TUT4: variants seen among roughly 807,000 people sequenced by gnomAD.
TUT4 encodes the protein terminal uridylyl transferase 4.
TUT4 carries 36 observed loss-of-function variants against 192.2 expected under a neutral mutation model. The ratio of observed to expected loss-of-function variants is 0.19; its 90% CI spans 0.14 to 0.25. TUT4 has a LOEUF of 0.25. TUT4 is among the 10% of genes least tolerant of loss of function. The pLI, the probability that TUT4 is intolerant of heterozygous loss-of-function variation, is 1.00. For missense variants in TUT4, 1,493 were observed against 1,957.2 expected (o/e 0.76, Z 4.47); for synonymous variants, 618 against 666.0 (o/e 0.93, Z 1.11).
At chr1:52,496,783 G>A (rs1299778195) in intron 5 of TUT4, among the ~76,000 whole-genome samples, 2 of 151,712 alleles carry the variant, frequency 1.3e-5, no homozygotes, top group Non-Finnish European at 2.9e-5. Context: ...TCTACATCTG[G>A]CATTTTTAAA....
chr1:52,496,584 C>T (rs948434612), intron 5 of TUT4, among the ~76,000 whole-genome samples: 1 of 152,086 alleles, frequency 6.6e-6, no homozygotes, highest in African/African-American at 2.4e-5. Flanking sequence ...TCTGACACTC[C>T]CTTGTACCAA....
intron 4 of TUT4, among the ~76,000 whole-genome samples, chr1:52,508,111 C>A (rs1676117135): frequency 6.6e-6 from 1 of 152,116 alleles, no homozygotes; most frequent in South Asian, 2.1e-4. Flanking sequence ...CTGCACCCAG[C>A]CTAGGTATGA....
At chr1:52,544,318 T>C (rs1262073703) in intron 1 of TUT4, among the ~76,000 whole-genome samples, 1 of 149,014 alleles carries the variant, frequency 6.7e-6, no homozygotes, top group East Asian at 2.0e-4. Context: ...GTAATCAAAA[T>C]AGTATGGTAT....
At chr1:52,485,620 T>C (rs987734510) in intron 9 of TUT4, among the ~76,000 whole-genome samples, 6 of 152,142 alleles carry the variant, frequency 3.9e-5, no homozygotes, top group Non-Finnish European at 7.4e-5. Context: ...TAAACTTCCA[T>C]TTCTAGCTGA....
intron 13 of TUT4, among the ~76,000 whole-genome samples, chr1:52,474,299 A>G (rs982286390): frequency 6.6e-6 from 1 of 152,204 alleles, no homozygotes; most frequent in Non-Finnish European, 1.5e-5. Context: ...GATAAGCCGA[A>G]ATCCAGAGGC....
intron 8 of TUT4, among the ~76,000 whole-genome samples, 177 bp from the exon 9 acceptor site, chr1:52,489,212 T>C (rs142490759): frequency 3.9e-5 from 6 of 152,368 alleles, no homozygotes; most frequent in African/African-American, 1.4e-4. Context: ...TGTCATTCCA[T>C]AACTAGAGTT....
In TUT4 at chr1:52,446,388, G is replaced by A. The variant is rs1211616085; in HGVS notation, c.3568C>T (p.Leu1190=). The A allele has an allele frequency of 6.2e-7, 1 of 1,612,998 alleles. No homozygotes were observed. Among genetic ancestry groups the A allele is most frequent in the South Asian group, 1.1e-5 (1 of 90,856 alleles). The part of the protein sequence containing the change: ...KNTESLGELW[L]GLLRFYTEEF... ...TCAGTATAGAAACGAAGCAGTCCCA[G>A]CCAAAGCTCCCCTAATGATTCTGTG... The change falls in exon 22 of 30, where the codon CTG becomes TTG. Residue 1190 remains leucine, a synonymous_variant. Transcript: ENST00000257177.
intron 4 of TUT4, 25 bp downstream of exon 4, chr1:52,509,571 A>G (rs749515676): frequency 5.0e-6 from 6 of 1,200,336 alleles, no homozygotes; most frequent in South Asian, 2.8e-5. Flanking sequence ...AAAATAAATA[A>G]AAGTATTTTT....
At chr1:52,465,256 A>G (rs1342410002) in intron 15 of TUT4, 83 bp from the exon 16 acceptor site, 51 of 831,258 alleles carry the variant, frequency 6.1e-5, no homozygotes, top group South Asian at 5.3e-4. Flanking sequence ...ACCTAATACA[A>G]CATGCTCTTG....
At chr1:52,527,546 T>C (rs571713864) in intron 1 of TUT4, among the ~76,000 whole-genome samples, 2 of 151,938 alleles carry the variant, frequency 1.3e-5, no homozygotes, top group Non-Finnish European at 2.9e-5. Flanking sequence ...AGTAAGACTC[T>C]GTCTCAAAAA....
intron 3 of TUT4, among the ~76,000 whole-genome samples, chr1:52,510,317 C>CA (rs200690805): frequency 0.035 from 2,784 of 78,576 alleles, 126 homozygotes; most frequent in African/African-American, 0.084. Context: ...TTCGTATTAA[C>CA]AAAAAAAAAA....
Position 52,543,044 on chromosome 1 carries a change from C to T in TUT4, c.-94+9887G>A, listed in dbSNP as rs556440197. ...TGCTGGGATTACAGGCGTGAGCCAC[C>T]ATGCCCGGCCTGTGTTCACCATTTC... On this transcript the variant is annotated intron_variant, in intron 1 of 29. Transcript: ENST00000257177. Among the ~76,000 whole-genome samples the T allele has an allele frequency of 3.3e-5, 5 of 152,260 alleles. No individual in the cohort carries two copies. The South Asian group carries it at 1.0e-3, about 32-fold the overall frequency.
chr1:52,447,477 C>CAA (rs576050725), intron 20 of TUT4, among the ~76,000 whole-genome samples: 1 of 113,360 alleles, frequency 8.8e-6, no homozygotes, highest in Non-Finnish European at 1.8e-5. Context: ...AACAAAAAAA[C>CAA]AAAAAAAAAA....
intron 1 of TUT4, among the ~76,000 whole-genome samples, chr1:52,540,768 A>C (rs1206578641): frequency 6.6e-6 from 1 of 152,208 alleles, no homozygotes; most frequent in East Asian, 1.9e-4. Context: ...TCTAAGCCTA[A>C]ATCAGTAATT....
intron 24 of TUT4, among the ~76,000 whole-genome samples, chr1:52,445,029 G>GTGTATATATATGTATATATGTGTA (rs71805597): frequency 2.7e-5 from 4 of 147,144 alleles, no homozygotes; most frequent in African/African-American, 1.0e-4. Flanking sequence ...GTATATATGT[G>GTGTATATATATGTATATATGTGTA]TATATATATA....
intron 28 of TUT4, among the ~76,000 whole-genome samples, chr1:52,429,010 T>C (rs1224825317): frequency 6.6e-6 from 1 of 151,968 alleles, no homozygotes; most frequent in African/African-American, 2.4e-5. Flanking sequence ...ACTGTTAAAG[T>C]TGGTTAATGG....
intron 1 of TUT4, among the ~76,000 whole-genome samples, chr1:52,531,092 C>G (rs971244161): frequency 2.6e-5 from 4 of 152,074 alleles, no homozygotes; most frequent in African/African-American, 7.2e-5. Context: ...CAAATAACCT[C>G]AAATCATGGA....
At position 52,444,925 on chromosome 1, in the gene TUT4, G is replaced by GTGTGTATATATATGTA. The variant is rs1240054584; in HGVS notation, c.3822+861_3822+862insTACATATATATACACA. ...TATATATATGTATATACATGTATGT[G>GTGTGTATATATATGTA]TATATATATGTATATACATGTATGT... is the stretch of plus-strand genomic sequence containing the variant. On this transcript the variant is annotated intron_variant, in intron 24 of 29. Coordinates refer to ENST00000257177, the MANE Select transcript of TUT4 (RefSeq NM_001009881.3). Among the ~76,000 whole-genome samples, 64 of 125,710 alleles carry GTGTGTATATATATGTA rather than the reference G, an allele frequency of 5.1e-4. 3 individuals carry two copies. The highest frequency in any genetic ancestry group is 2.4e-3 in the African/African-American group (52 of 21,986). The allele number at this position is 125,710 out of a possible 152,430, so 82.5% of individuals were successfully genotyped here.
chr1:52,443,297 A>T (rs994485737), intron 24 of TUT4, among the ~76,000 whole-genome samples: 2 of 136,400 alleles, frequency 1.5e-5, no homozygotes, highest in African/African-American at 6.2e-5. Flanking sequence ...AAAAAAATTA[A>T]AAAAAAAAAG....
Sources: gnomAD v4.1 joint callset for allele counts (sites outside exome capture counted in the v4.1 genomes callset) on GRCh38, gnomAD v4.1.1 for gene constraint, MANE v1.5 for transcripts, NCBI Gene and HGNC (gene_info 2026-07-23, HGNC 2026-07-21) for gene names.